Variants in LINGO1 observed in about 807,000 individuals in gnomAD.
LINGO1 encodes the protein leucine rich repeat and Ig domain containing 1.
LINGO1 carries 11 observed loss-of-function variants against 37.3 expected under a neutral mutation model. That is an observed-to-expected ratio of 0.29 (90% CI 0.19 to 0.49). The LOEUF is 0.49. LINGO1 is among the 20% of genes least tolerant of loss of function. The pLI is 0.99. For missense variants in LINGO1, 585 were observed against 878.2 expected (o/e 0.67, Z 4.22); for synonymous variants, 387 against 403.0 (o/e 0.96, Z 0.48).
chr15:77,655,324 T>A (rs1394643466), intron 3 of LINGO1, among the ~76,000 whole-genome samples: 1 of 152,124 alleles, frequency 6.6e-6, no homozygotes, highest in Non-Finnish European at 1.5e-5. Flanking sequence ...TGGGCCCAGG[T>A]TGGTTCTGCC....
At chr15:77,762,270 T>C (rs900119163) in intron 1 of LINGO1, among the ~76,000 whole-genome samples, 3 of 152,086 alleles carry the variant, frequency 2.0e-5, no homozygotes, top group African/African-American at 7.2e-5. Context: ...GGTGGTCAGG[T>C]CTGGAGGGTG....
intron 1 of LINGO1, among the ~76,000 whole-genome samples, chr15:77,777,382 TACACACAC>T (rs2076668723): frequency 2.1e-5 from 2 of 96,998 alleles, no homozygotes; most frequent in African/African-American, 7.0e-5. Flanking sequence ...CACACACAAA[TACACACAC>T]CACACACACA....
At chr15:77,760,048 C>T (rs575272068) in intron 1 of LINGO1, among the ~76,000 whole-genome samples, 32 of 152,328 alleles carry the variant, frequency 2.1e-4, no homozygotes, top group African/African-American at 3.8e-4. Context: ...GCCTGGGTGA[C>T]GATTCTAAGG....
chr15:77,810,759 C>T (rs1405776452), intron 1 of LINGO1, among the ~76,000 whole-genome samples: 2 of 152,206 alleles, frequency 1.3e-5, no homozygotes, highest in Non-Finnish European at 2.9e-5. Context: ...GTCCAAGCAT[C>T]GGAGAGTACT....
chr15:77,718,954 G>C (rs1195665702), intron 2 of LINGO1, among the ~76,000 whole-genome samples: 1 of 150,670 alleles, frequency 6.6e-6, no homozygotes, highest in Non-Finnish European at 1.5e-5. Context: ...GGGCTGGGCT[G>C]GGGTGGAGGG....
intron 1 of LINGO1, among the ~76,000 whole-genome samples, chr15:77,781,830 C>T (rs1032190300): frequency 5.9e-5 from 9 of 152,230 alleles, no homozygotes; most frequent in African/African-American, 1.4e-4. Context: ...CTTCGCACAC[C>T]GAAAGCCTCT....
At chr15:77,701,049 G>A (rs1357956139), upstream of LINGO1, among the ~76,000 whole-genome samples, 1 of 152,210 alleles carries the variant, frequency 6.6e-6, no homozygotes, top group African/African-American at 2.4e-5. Context: ...CTGTGGGATA[G>A]GTGTTCTTAT....
intron 1 of LINGO1, among the ~76,000 whole-genome samples, chr15:77,771,804 G>C (rs1011280528): frequency 3.9e-5 from 6 of 152,320 alleles, no homozygotes; most frequent in African/African-American, 1.4e-4. Context: ...ACTAGGGAAG[G>C]GGCAGGCCTG....
rs573738901 is a variant in LINGO1 at position 77,714,379 on chromosome 15, C to T, written c.-195+20613G>A. 5.3e-5 allele frequency among the ~76,000 whole-genome samples: 8 copies of T among 152,256 alleles called. No homozygotes were observed. The East Asian group carries it at 1.5e-3, about 29-fold the overall frequency. On this transcript the variant is annotated intron_variant, in intron 2 of 3. Coordinates refer to the LINGO1 transcript ENST00000561686. The stretch of plus-strand genomic sequence containing the variant: ...AAAACTTAAATCAGATTGTCACCAC[C>T]CTTGCTTAACCCAAGCTCATTCACG...
At chr15:77,713,210 T>TCGTGTG (rs1555533524) in intron 2 of LINGO1, among the ~76,000 whole-genome samples, 1 of 123,722 alleles carries the variant, frequency 8.1e-6, no homozygotes, top group African/African-American at 3.2e-5. Flanking sequence ...GCCCAGCTAA[T>TCGTGTG]TGTGTGTGTG....
At chr15:77,807,093 A>G (rs1261213519) in intron 1 of LINGO1, among the ~76,000 whole-genome samples, 2 of 152,150 alleles carry the variant, frequency 1.3e-5, no homozygotes, top group Non-Finnish European at 2.9e-5. Context: ...CCTGTCTGGA[A>G]TTCCTTCCTC....
At chr15:77,689,873 G>A (rs745558349) in intron 2 of LINGO1, among the ~76,000 whole-genome samples, 1 of 152,186 alleles carries the variant, frequency 6.6e-6, no homozygotes, top group Non-Finnish European at 1.5e-5. Flanking sequence ...TCCTGGAGGG[G>A]GAAGCAAGAA....
chr15:77,806,877 C>T (rs1322503423), intron 1 of LINGO1, among the ~76,000 whole-genome samples: 2 of 152,136 alleles, frequency 1.3e-5, no homozygotes, highest in African/African-American at 4.8e-5. Context: ...GCCCCATCAT[C>T]CACACTATGG....
chr15:77,666,171 C>T (rs2075125944), intron 3 of LINGO1, among the ~76,000 whole-genome samples: 1 of 152,246 alleles, frequency 6.6e-6, no homozygotes, highest in South Asian at 2.1e-4. Context: ...ACATCTCCGC[C>T]AAGTCCTGTC....
At chr15:77,773,975 T>TG (rs1349052537) in intron 1 of LINGO1, among the ~76,000 whole-genome samples, 1 of 152,102 alleles carries the variant, frequency 6.6e-6, no homozygotes, top group Non-Finnish European at 1.5e-5. Context: ...AAGGGGACAC[T>TG]GGGTCAGGAG....
intron 1 of LINGO1, among the ~76,000 whole-genome samples, chr15:77,806,580 G>A (rs893396912): frequency 6.6e-6 from 1 of 152,124 alleles, no homozygotes; most frequent in African/African-American, 2.4e-5. Context: ...GGGGTCAGAG[G>A]TGAGTGGGCT....
intron 2 of LINGO1, among the ~76,000 whole-genome samples, chr15:77,705,491 G>C (rs2075841344): frequency 6.6e-6 from 1 of 152,148 alleles, no homozygotes; most frequent in Admixed American, 6.5e-5. Flanking sequence ...TGGCTGCCTA[G>C]GGGTTTCCCT....
At chr15:77,810,118 C>T (rs1284916189) in intron 1 of LINGO1, among the ~76,000 whole-genome samples, 1 of 151,996 alleles carries the variant, frequency 6.6e-6, no homozygotes, top group Non-Finnish European at 1.5e-5. Flanking sequence ...GGACAGGAGA[C>T]CAGTCTCAGT....
chr15:77,650,881 G>T lies in LINGO1; in HGVS notation c.-13+26208C>A, dbSNP rs957742879. Among the ~76,000 whole-genome samples, 9 of 152,220 alleles carry T rather than the reference G, an allele frequency of 5.9e-5. No homozygotes were observed. In the East Asian group the frequency reaches 1.7e-3, roughly 29 times the overall value. ...GGGTGGGAGAGTCTGGGTGCTGGAG[G>T]ACAGGGCACTGTGTGGAGGCTTGGG... is the stretch of plus-strand genomic sequence containing the variant. On this transcript the variant is annotated intron_variant, in intron 3 of 3. Transcript: ENST00000559893.
Sources: allele counts gnomAD v4.1 joint callset (sites outside exome capture counted in the v4.1 genomes callset), GRCh38; gene constraint gnomAD v4.1.1; transcripts MANE v1.5; gene names NCBI Gene and HGNC (gene_info 2026-07-23, HGNC 2026-07-21).